Variants in NR1D2 observed in about 807,000 individuals in gnomAD.
NR1D2 encodes V-erbA-related protein 1-related.
In NR1D2, 25 loss-of-function variants were observed where a neutral mutation model predicts 52.2. That is an observed-to-expected ratio of 0.48 (90% CI 0.35 to 0.67). NR1D2 has a LOEUF of 0.67. NR1D2 is among the 30% of genes least tolerant of loss of function. The pLI is 0.01. For missense variants in NR1D2, 681 were observed against 707.2 expected (o/e 0.96, Z 0.42); for synonymous variants, 259 against 230.1 (o/e 1.13, Z -1.14).
chr3:23,966,645 G>A (rs1490267612), intron 6 of NR1D2, among the ~76,000 whole-genome samples: 6 of 152,214 alleles, frequency 3.9e-5, no homozygotes, highest in Admixed American at 2.0e-4. Flanking sequence ...TGTTAATAGA[G>A]TGGCAGAGTA....
Position 23,974,114 on chromosome 3 carries a change from T to A in NR1D2, c.1544-3109T>A, listed in dbSNP as rs982564090. ...TTTTTTTTTTTTTTTTTTTTTTTTTTAAGTAGAAGGGACGGGCGAGGTGGC... is the reference window on the plus strand; with the variant it reads ...TTTTTTTTTTTTTTTTTTTTTTTTTAAAGTAGAAGGGACGGGCGAGGTGGC... On this transcript the variant is annotated intron_variant, in intron 7 of 7. Coordinates refer to ENST00000312521, the MANE Select transcript of NR1D2 (RefSeq NM_005126.5). Among the ~76,000 whole-genome samples the A allele has an allele frequency of 6.1e-5, 9 of 147,978 alleles. No individual in the cohort carries two copies. In the South Asian group the frequency reaches 1.1e-3, roughly 18 times the overall value.
rs374591479 is a variant in NR1D2, at chr3:23,979,036, A to G, written c.*1617A>G. ...AATGTTTGGATTATATAAAATTGCA[A>G]AAATGATAACAGCCCGCTTTACTGT... On this transcript the variant is annotated 3_prime_UTR_variant, in exon 8 of 8. Transcript: ENST00000312521. 9.2e-5 allele frequency: 14 copies of G among 152,248 alleles called. 1 individual carries two copies. The South Asian group carries it at 1.7e-3, about 18-fold the overall frequency. 9.4% of individuals were successfully genotyped at this position (152,248 alleles called of 1,614,324 possible). A position where few individuals can be genotyped will look rare whatever the true frequency, so the allele number is the denominator to read the frequency against.
At chr3:23,953,057 G>A (rs1705986144) in intron 1 of NR1D2, among the ~76,000 whole-genome samples, 1 of 151,492 alleles carries the variant, frequency 6.6e-6, no homozygotes, top group African/African-American at 2.4e-5. Flanking sequence ...ATGATTGATA[G>A]GCCCGGTGCG....
chr3:23,948,323 T>G (rs1172845674), intron 1 of NR1D2, among the ~76,000 whole-genome samples: 1 of 151,912 alleles, frequency 6.6e-6, no homozygotes, highest in Non-Finnish European at 1.5e-5. Context: ...GTGAAAACAG[T>G]GGAGTAAAAG....
chr3:23,945,574 G>A lies in NR1D2; in HGVS notation c.-5G>A, dbSNP rs766774339. 2.6e-6 allele frequency: 3 copies of A among 1,167,166 alleles called. No individual in the cohort carries two copies. The highest frequency in any genetic ancestry group is 3.2e-6 in the Non-Finnish European group (3 of 939,294). 72.3% of individuals were successfully genotyped at this position (1,167,166 alleles called of 1,614,324 possible). ...GGCGGCCCCGGCCGCCTCCGCGAGG[G>A]CACCATGGAGGTGAATGCAGGTAAG... On this transcript the variant is annotated 5_prime_UTR_variant, in exon 1 of 8. Transcript: ENST00000312521.
Position 23,967,847 on chromosome 3 carries a change from C to G in NR1D2, c.1367C>G (p.Ala456Gly). The change falls in exon 7 of 8, where the codon GCA (alanine) becomes GGA (glycine). Residue 456 changes from alanine to glycine, a missense_variant. By Grantham distance (60) the Ala-to-Gly change is moderately conservative. Around this residue, in one of 3 missense-constraint regions of NR1D2, gnomAD observed 475 missense variants for 454.5 expected, o/e 1.05. Coordinates refer to ENST00000312521, the MANE Select transcript of NR1D2 (RefSeq NM_005126.5). ...GTACGGTTCGCATCATTATTTGATG[C>G]AAAGGAACGTACTGTCACCTTTTTA... is the stretch of plus-strand genomic sequence containing the variant. ...LMVRFASLFD[A>G]KERTVTFLSG... 5.0e-6 allele frequency: 8 copies of G among 1,613,914 alleles called. No individual in the cohort carries two copies. The highest frequency in any genetic ancestry group is 1.1e-5 in the South Asian group (1 of 91,076).
Position 23,946,266 on chromosome 3 carries a change from C to G in NR1D2, c.16+672C>G, listed in dbSNP as rs891648029. On this transcript the variant is annotated intron_variant, in intron 1 of 7. Coordinates refer to ENST00000312521, the MANE Select transcript of NR1D2 (RefSeq NM_005126.5). ...CTCTTTTCGCGAGGTGACCCCAAGG[C>G]GCGGACCCCGCGCAAACCAAACGAA... 2.8e-4 allele frequency: 280 copies of G among 985,484 alleles called. 1 individual carries two copies. The highest frequency in any genetic ancestry group is 5.2e-4 in the South Asian group (11 of 21,288). The allele number at this position is 985,484 out of a possible 1,614,324, so 61.0% of individuals were successfully genotyped here.
intron 6 of NR1D2, 24 bp downstream of exon 6, chr3:23,965,186 T>C: frequency 6.7e-7 from 1 of 1,495,230 alleles, no homozygotes; most frequent in Non-Finnish European, 9.1e-7. Context: ...ATCCTGAATA[T>C]TGATGCAGGC....
At position 23,959,799 on chromosome 3, in the gene NR1D2, T is replaced by C. The variant is rs1414949114; in HGVS notation, c.501T>C (p.Val167=). The change falls in exon 4 of 8, where the codon GTT becomes GTC. Residue 167 remains valine, a synonymous_variant. Transcript: ENST00000312521. The part of the protein sequence containing the change: ...QQCRFKKCLS[V]GMSRDAVRFG... Reference sequence around the variant, plus strand: ...GTCGCTTCAAAAAGTGTCTGTCTGTTGGAATGTCAAGAGATGGTATGTTCC... The same window carrying C: ...GTCGCTTCAAAAAGTGTCTGTCTGTCGGAATGTCAAGAGATGGTATGTTCC... 1 of 1,613,392 alleles carries C rather than the reference T, an allele frequency of 6.2e-7. No homozygotes were observed. Among genetic ancestry groups the C allele is most frequent in the South Asian group, 1.1e-5 (1 of 90,958 alleles).
intron 7 of NR1D2, 50 bp downstream of exon 7, chr3:23,968,073 C>G: frequency 6.9e-7 from 1 of 1,446,486 alleles, no homozygotes; most frequent in Non-Finnish European, 9.7e-7. Flanking sequence ...TAGTGACCAA[C>G]TGGGGAGAAG....
chr3:23,969,865 T>C (rs947646355), intron 7 of NR1D2, among the ~76,000 whole-genome samples: 1 of 152,040 alleles, frequency 6.6e-6, no homozygotes, highest in Admixed American at 6.6e-5. Flanking sequence ...GAAGGTTGAA[T>C]TATTAAGCTT....
rs375583060 is a variant in NR1D2, at chr3:23,964,981, G to T, written c.1151G>T (p.Cys384Phe). 5 of 1,608,246 alleles carry T rather than the reference G, an allele frequency of 3.1e-6. No homozygotes were observed. In the South Asian group the frequency reaches 5.5e-5, roughly 18 times the overall value. Residue 384 changes from cysteine (C) to phenylalanine (F), a missense_variant, in exon 6 of 8, where the codon TGT (cysteine) becomes TTT (phenylalanine). Coordinates refer to ENST00000312521, the MANE Select transcript of NR1D2 (RefSeq NM_005126.5). ...TTTCCGTTTTATGTATACTAGGTTT[G>T]TCCAATGAGTAAGTCTCCATATGTG... ...CNTGGRMHLVCPMSKSPYVDP... is the reference protein window; with the variant it reads ...CNTGGRMHLVFPMSKSPYVDP...
chr3:23,978,734 C>G lies in NR1D2; in HGVS notation c.*1315C>G, dbSNP rs1375866616. On this transcript the variant is annotated 3_prime_UTR_variant, in exon 8 of 8. Transcript: ENST00000312521. ...CGTGCGTGTGTATGTTCTGAGTCCA[C>G]TTCTTTTTTCCTAAATAACACTACA... 4 of 151,904 alleles carry G rather than the reference C, an allele frequency of 2.6e-5. No homozygotes were observed. In the East Asian group the frequency reaches 7.7e-4, roughly 29 times the overall value. The allele number at this position is 151,904 out of a possible 1,614,324, so 9.4% of individuals were successfully genotyped here.
intron 3 of NR1D2, 67 bp downstream of exon 3, chr3:23,956,192 C>G (rs1307349052): frequency 7.8e-7 from 1 of 1,286,040 alleles, no homozygotes; most frequent in Non-Finnish European, 1.1e-6. Flanking sequence ...TTAGATTTAC[C>G]CATTTGTGCA....
Position 23,954,671 on chromosome 3 carries a change from A to T in NR1D2, c.151A>T (p.Thr51Ser). ...PSSPNSSNSD[T>S]NGNPKNGDLA... is the part of the protein sequence containing the mutation. ...TTCTCCAAATAGCTCTAATTCTGAT[A>T]CCAATGGTAATCCCAAGAATGGTGA... Residue 51 changes from threonine (T) to serine (S), a missense_variant, in exon 2 of 8, where the codon ACC becomes TCC. This residue lies in a region of NR1D2 where 94 missense variants were observed against 90.4 expected (regional missense o/e 1.04). Coordinates refer to ENST00000312521, the MANE Select transcript of NR1D2 (RefSeq NM_005126.5). The T allele has an allele frequency of 6.2e-7, 1 of 1,614,144 alleles. No homozygotes were observed. Among genetic ancestry groups the T allele is most frequent in the Non-Finnish European group, 8.5e-7 (1 of 1,179,994 alleles).
intron 4 of NR1D2, among the ~76,000 whole-genome samples, chr3:23,961,020 C>A (rs1375714962): frequency 6.6e-6 from 1 of 152,128 alleles, no homozygotes; most frequent in Non-Finnish European, 1.5e-5. Flanking sequence ...TGACTTATCT[C>A]ATTTTTACTT....
intron 2 of NR1D2, among the ~76,000 whole-genome samples, chr3:23,955,225 G>A (rs770379163): frequency 2.0e-5 from 3 of 152,150 alleles, no homozygotes; most frequent in Non-Finnish European, 2.9e-5. Flanking sequence ...ATGAGTAGGG[G>A]GATTTGGACC....
intron 3 of NR1D2, among the ~76,000 whole-genome samples, chr3:23,959,206 G>T (rs1435999808): frequency 3.3e-5 from 5 of 150,856 alleles, no homozygotes; most frequent in African/African-American, 1.2e-4. Context: ...CAGGGCTGCA[G>T]TGAGCTGTGA....
intron 2 of NR1D2, among the ~76,000 whole-genome samples, chr3:23,955,140 G>C (rs1706048275): frequency 6.6e-6 from 1 of 152,206 alleles, no homozygotes; most frequent in African/African-American, 2.4e-5. Flanking sequence ...CTTGCTCATT[G>C]TGGGAAGGGG....
Sources: allele counts gnomAD v4.1 joint callset (sites outside exome capture counted in the v4.1 genomes callset), GRCh38; gene constraint gnomAD v4.1.1; regional missense constraint gnomAD v4.1.1; transcripts MANE v1.5; gene names NCBI Gene and HGNC (gene_info 2026-07-23, HGNC 2026-07-21).